The following PECR variants were observed in gnomAD, a reference collection of about 807,000 sequenced individuals.
PECR encodes peroxisomal trans-2-enoyl-CoA reductase.
A neutral mutation model predicts 35.3 loss-of-function variants in PECR; 30 were observed. That is an observed-to-expected ratio of 0.85 (90% CI 0.64 to 1.15). The LOEUF (loss-of-function observed/expected upper bound fraction) is 1.15. Ranked by LOEUF, PECR falls within the 50% of genes most tolerant of loss-of-function variation. The pLI is 0.00. For synonymous variants in PECR, 148 were observed against 138.9 expected, an observed-to-expected ratio of 1.07 and a Z score of -0.46; for missense variants, 392 against 370.8, an observed-to-expected ratio of 1.06 and a Z score of -0.47.
At chr2:216,032,220 T>C (rs1324840915) in intron 7 of PECR, among the ~76,000 whole-genome samples, 1 of 152,218 alleles carries the variant, frequency 6.6e-6, no homozygotes, top group Non-Finnish European at 1.5e-5. Context: ...TACTTAGAAC[T>C]ACAAACTCTG....
At chr2:216,067,165 G>C (rs1695482924) in intron 1 of PECR, among the ~76,000 whole-genome samples, 2 of 152,132 alleles carry the variant, frequency 1.3e-5, no homozygotes, top group Non-Finnish European at 2.9e-5. Context: ...TGGGAGTCTA[G>C]GGAGCCAAGG....
At chr2:216,044,212 G>A (rs1386913703) in intron 6 of PECR, among the ~76,000 whole-genome samples, 197 bp from the exon 7 acceptor site, 3 of 152,108 alleles carry the variant, frequency 2.0e-5, no homozygotes, top group Admixed American at 1.3e-4. Flanking sequence ...GAGCATCACC[G>A]AAATCAGGTA....
intron 3 of PECR, among the ~76,000 whole-genome samples, chr2:216,060,253 C>T (rs1695309174): frequency 6.6e-6 from 1 of 152,178 alleles, no homozygotes; most frequent in Admixed American, 6.5e-5. Context: ...CCTTCCGCTT[C>T]TGGATAAATA....
intron 1 of PECR, among the ~76,000 whole-genome samples, chr2:216,074,488 G>GA (rs1329746192): frequency 5.5e-4 from 74 of 133,380 alleles, no homozygotes; most frequent in African/African-American, 1.9e-3. Flanking sequence ...GAGAAAGAAA[G>GA]AAAAAAAGGA....
At chr2:216,064,729 A>C (rs1695429204) in intron 3 of PECR, among the ~76,000 whole-genome samples, 1 of 152,216 alleles carries the variant, frequency 6.6e-6, no homozygotes, top group African/African-American at 2.4e-5. Flanking sequence ...GATACTAAGA[A>C]TATAAAGCCT....
intron 6 of PECR, among the ~76,000 whole-genome samples, chr2:216,045,329 A>G (rs995500693): frequency 6.6e-6 from 1 of 152,222 alleles, no homozygotes; most frequent in Non-Finnish European, 1.5e-5. Flanking sequence ...CACTTTCAGT[A>G]TGACTGGTCC....
At chr2:216,081,230 GACTC>G (rs72351150) in intron 1 of PECR, among the ~76,000 whole-genome samples, 5,172 of 152,230 alleles carry the variant, frequency 0.034, 96 homozygotes, top group Non-Finnish European at 0.049. Flanking sequence ...TACTATGAGA[GACTC>G]ACTATGTTCA....
rs142046751 is a variant in PECR at position 216,030,037 on chromosome 2, A to G, written c.*440+9154T>C. On this transcript the variant is annotated intron_variant and NMD_transcript_variant, in intron 7 of 7. Transcript: ENST00000442122. ...GAGCCCCATCTTTGTGTTCACATTCATATTTTCAACCACCTTAAAATTACT... is the reference window on the plus strand; with the variant it reads ...GAGCCCCATCTTTGTGTTCACATTCGTATTTTCAACCACCTTAAAATTACT... Among the ~76,000 whole-genome samples, 1,058 of 152,338 alleles carry G rather than the reference A, an allele frequency of 6.9e-3. 6 individuals are homozygous for G. The highest frequency in any genetic ancestry group is 0.029 in the South Asian group (138 of 4,822).
At chr2:216,081,400 T>C (rs1165893041) in intron 1 of PECR, among the ~76,000 whole-genome samples, 1 of 152,198 alleles carries the variant, frequency 6.6e-6, no homozygotes, top group Non-Finnish European at 1.5e-5. Context: ...CTCTTTGGCC[T>C]GAGTGGTCTC....
chr2:216,046,764 T>C (rs1178991960), intron 6 of PECR, among the ~76,000 whole-genome samples: 4 of 152,212 alleles, frequency 2.6e-5, no homozygotes, highest in Admixed American at 6.5e-5. Context: ...CAAAATACAA[T>C]GCAAGTCTAT....
At chr2:216,030,645 C>A (rs556080970) in intron 7 of PECR, among the ~76,000 whole-genome samples, 2 of 151,814 alleles carry the variant, frequency 1.3e-5, no homozygotes, top group Non-Finnish European at 2.9e-5. Context: ...CAGGTTCAAG[C>A]GATTCTTGTG....
Position 216,031,455 on chromosome 2 carries a change from G to GAGAGAAAGAAAGAAAGAA in PECR, c.*440+7718_*440+7735dup, listed in dbSNP as rs796985454. Among the ~76,000 whole-genome samples the GAGAGAAAGAAAGAAAGAA allele has an allele frequency of 1.9e-3, 255 of 134,006 alleles. 1 individual carries two copies. Among genetic ancestry groups the GAGAGAAAGAAAGAAAGAA allele is most frequent in the African/African-American group, 7.1e-3 (248 of 34,880 alleles). The allele number at this position is 134,006 out of a possible 152,430, so 87.9% of individuals were successfully genotyped here. A position where few individuals can be genotyped will look rare whatever the true frequency, so the allele number is the denominator to read the frequency against. On this transcript the variant is annotated intron_variant and NMD_transcript_variant, in intron 7 of 7. Coordinates refer to the PECR transcript ENST00000442122. ...AAAGAAAGAAAGAAAAAGAAAGAAA[G>GAGAGAAAGAAAGAAAGAA]AGAGAAAGAAAGAAAGAAAGAGAAA...
intron 7 of PECR, among the ~76,000 whole-genome samples, chr2:216,032,425 A>G (rs150568418): frequency 1.3e-5 from 2 of 152,340 alleles, no homozygotes; most frequent in East Asian, 3.9e-4. Context: ...ATTGGATGAC[A>G]TTGTCCATTT....
At chr2:216,039,480 C>A (rs1694852063) in intron 7 of PECR, 120 bp from the exon 8 acceptor site, 2 of 720,042 alleles carry the variant, frequency 2.8e-6, no homozygotes. Context: ...AAAAATAAAT[C>A]CTTAGGGCAA....
intron 7 of PECR, among the ~76,000 whole-genome samples, chr2:216,031,691 G>GAAAGAAAGAAAGAA (rs1473248845): frequency 5.9e-4 from 36 of 61,092 alleles, no homozygotes; most frequent in Admixed American, 1.6e-3. Flanking sequence ...AAGAAAGAAA[G>GAAAGAAAGAAAGAA]AGAAAGAAAG....
chr2:216,034,684 G>A (rs75266222), downstream of PECR, among the ~76,000 whole-genome samples: 165 of 152,326 alleles, frequency 1.1e-3, 2 homozygotes, highest in East Asian at 0.027. Flanking sequence ...GGCCCGAGAT[G>A]AGAATATATA....
intron 5 of PECR, among the ~76,000 whole-genome samples, chr2:216,050,474 T>C (rs1282913196): frequency 1.3e-5 from 2 of 152,204 alleles, no homozygotes; most frequent in Non-Finnish European, 2.9e-5. Flanking sequence ...AAAAAGTCTC[T>C]GGAAGGCAAA....
intron 4 of PECR, among the ~76,000 whole-genome samples, chr2:216,056,471 A>G (rs533466312): frequency 6.6e-6 from 1 of 152,266 alleles, no homozygotes; most frequent in African/African-American, 2.4e-5. Context: ...CTGTAATCCC[A>G]GCACTTTGGG....
intron 1 of PECR, among the ~76,000 whole-genome samples, chr2:216,069,955 A>T (rs1695555140): frequency 6.6e-6 from 1 of 150,500 alleles, no homozygotes; most frequent in African/African-American, 2.5e-5. Context: ...AAAAAAAAGA[A>T]ACTTTTGGAA....
Sources: gnomAD v4.1 joint callset for allele counts (sites outside exome capture counted in the v4.1 genomes callset) on GRCh38, gnomAD v4.1.1 for gene constraint, MANE v1.5 for transcripts, NCBI Gene and HGNC (gene_info 2026-07-23, HGNC 2026-07-21) for gene names.